CLCA1: variants seen among roughly 807,000 people sequenced by gnomAD.
The protein encoded by CLCA1 is chloride channel accessory 1, also known as calcium-activated chloride channel regulator 1.
A neutral mutation model predicts 85.6 loss-of-function variants in CLCA1; 59 were observed. The observed-to-expected ratio is 0.69, with a 90% confidence interval of 0.56 to 0.86. The LOEUF is 0.86. CLCA1 is among the 40% of genes least tolerant of loss of function. CLCA1 has a pLI of 0.00. For synonymous variants in CLCA1, 396 were observed against 398.3 expected (o/e 0.99, Z 0.07); for missense variants, 1,022 against 1,101.4 (o/e 0.93, Z 1.02).
chr1:86,490,909 A>AG (rs1224668382), intron 8 of CLCA1, among the ~76,000 whole-genome samples: 4 of 123,816 alleles, frequency 3.2e-5, no homozygotes, highest in Non-Finnish European at 5.6e-5. Flanking sequence ...TAAAAAAAAA[A>AG]AAAAAAAAAA....
intron 4 of CLCA1, among the ~76,000 whole-genome samples, chr1:86,478,642 G>T (rs1391595377): frequency 6.6e-6 from 1 of 152,186 alleles, no homozygotes; most frequent in African/African-American, 2.4e-5. Flanking sequence ...TCTTTCCTAA[G>T]CTTCCAGCCA....
At chr1:86,474,026 G>A in intron 3 of CLCA1, 150 bp downstream of exon 3, 1 of 505,594 alleles carries the variant, frequency 2.0e-6, no homozygotes, top group Non-Finnish European at 3.3e-6. Context: ...AATAGAACAT[G>A]CATTTCACTT....
rs556082795 is a variant in CLCA1, at chr1:86,486,157, C to T, written c.955-369C>T. 3.3e-5 allele frequency among the ~76,000 whole-genome samples: 5 copies of T among 152,270 alleles called. No homozygotes were observed. The South Asian group carries it at 1.0e-3, about 32-fold the overall frequency. Reference sequence around the variant, plus strand: ...AACCACCTCCATGTTCCTCCCACCTCCCACCAGGTCCCTCCCTCGACATGT... The same window carrying T: ...AACCACCTCCATGTTCCTCCCACCTTCCACCAGGTCCCTCCCTCGACATGT... On this transcript the variant is annotated intron_variant, in intron 6 of 13. Transcript: ENST00000394711.
chr1:86,481,058 GA>G (rs1483991501), intron 4 of CLCA1, among the ~76,000 whole-genome samples: 3 of 152,102 alleles, frequency 2.0e-5, no homozygotes, highest in Non-Finnish European at 4.4e-5. Context: ...ATTGGGAGGG[GA>G]AACTAAGTTC....
chr1:86,473,759 C>T lies in CLCA1; in HGVS notation c.334C>T (p.Pro112Ser), dbSNP rs138151981. The T allele has an allele frequency of 6.3e-7, 1 of 1,597,018 alleles. No individual in the cohort carries two copies. The highest frequency in any genetic ancestry group is 8.5e-7 in the Non-Finnish European group (1 of 1,171,702). ...ADVLVAESTP[P>S]GNDEPYTEQM... ...TGTTCTGGTTGCTGAGTCTACTCCT[C>T]CAGGTAATGATGAACCCTACACTGA... The change falls in exon 3 of 14, where the codon CCA becomes TCA. Residue 112 changes from proline to serine, a missense_variant. Physicochemically the swap from Pro to Ser is moderately conservative, Grantham distance 74. Transcript: ENST00000394711.
chr1:86,473,685 T>G lies in CLCA1; in HGVS notation c.304-44T>G, dbSNP rs763205104. On this transcript the variant is annotated intron_variant, in intron 2 of 13. Coordinates refer to ENST00000394711, the MANE Select transcript of CLCA1 (RefSeq NM_001285.4). Reference sequence around the variant, plus strand: ...TCCAGTACGAATATGGTTAATTCATTTGCTGAAACTTTGTGATGATAGAAA... The same window carrying G: ...TCCAGTACGAATATGGTTAATTCATGTGCTGAAACTTTGTGATGATAGAAA... 2.0e-5 allele frequency: 30 copies of G among 1,533,834 alleles called. No homozygotes were observed. In the Admixed American group the frequency reaches 5.9e-4, roughly 30 times the overall value.
At chr1:86,494,987 C>A (rs1458900900) in intron 11 of CLCA1, among the ~76,000 whole-genome samples, 1 of 149,804 alleles carries the variant, frequency 6.7e-6, no homozygotes, top group Non-Finnish European at 1.5e-5. Context: ...GCCCATTATT[C>A]TTGTCTTTAA....
rs539143060 is a variant in CLCA1, at chr1:86,484,723, G to T, written c.736-620G>T. 5.3e-5 allele frequency among the ~76,000 whole-genome samples: 8 copies of T among 152,256 alleles called. 1 individual carries two copies. In the South Asian group the frequency reaches 1.7e-3, roughly 32 times the overall value. Reference sequence around the variant, plus strand: ...TGAAGAAATTGAGATATAGTGAAGTGCACTGGTCTTGGGTACTTTTTAGGA... The same window carrying T: ...TGAAGAAATTGAGATATAGTGAAGTTCACTGGTCTTGGGTACTTTTTAGGA... On this transcript the variant is annotated intron_variant, in intron 5 of 13. Transcript: ENST00000394711.
chr1:86,490,699 T>C (rs1284384661), intron 8 of CLCA1, among the ~76,000 whole-genome samples: 1 of 152,132 alleles, frequency 6.6e-6, no homozygotes, highest in Non-Finnish European at 1.5e-5. Flanking sequence ...ATATCAGAGA[T>C]TCATGGCTGC....
chr1:86,484,035 C>T (rs764719842), intron 5 of CLCA1, among the ~76,000 whole-genome samples: 2 of 152,108 alleles, frequency 1.3e-5, no homozygotes, highest in Admixed American at 6.6e-5. Context: ...CATCAGATTA[C>T]GTGGGAACTC....
Position 86,500,179 on chromosome 1 carries a change from ATTC to A in CLCA1, c.*135_*137del. On this transcript the variant is annotated 3_prime_UTR_variant, in exon 14 of 14. Coordinates refer to ENST00000394711, the MANE Select transcript of CLCA1 (RefSeq NM_001285.4). The stretch of plus-strand genomic sequence containing the variant: ...TATATAGTACATTTATACTAAATGT[ATTC>A]CTGTAGGGGGCGATATACTAAATGT... 1 of 599,220 alleles carries A rather than the reference ATTC, an allele frequency of 1.7e-6. No homozygotes were observed. The highest frequency in any genetic ancestry group is 2.9e-6 in the Non-Finnish European group (1 of 340,024). The allele number at this position is 599,220 out of a possible 1,614,324, so 37.1% of individuals were successfully genotyped here. A position where few individuals can be genotyped will look rare whatever the true frequency, so the allele number is the denominator to read the frequency against.
At chr1:86,493,361 G>T in intron 9 of CLCA1, 23 bp from the exon 10 acceptor site, 1 of 1,582,382 alleles carries the variant, frequency 6.3e-7, no homozygotes, top group Non-Finnish European at 8.7e-7. Context: ...TCTCCAGAAA[G>T]TAAGAGCTGT....
In CLCA1 at chr1:86,498,708, C is replaced by T. The variant is rs1648366793; in HGVS notation, c.2250C>T (p.Leu750=). 1 of 1,614,020 alleles carries T rather than the reference C, an allele frequency of 6.2e-7. No homozygotes were observed. Among genetic ancestry groups the T allele is most frequent in the Non-Finnish European group, 8.5e-7 (1 of 1,180,038 alleles). Residue 750 remains leucine (L), a synonymous_variant, in exon 13 of 14, where the codon CTC becomes CTT. Coordinates refer to ENST00000394711, the MANE Select transcript of CLCA1 (RefSeq NM_001285.4). The part of the protein sequence containing the change: ...SDVPNAPIPD[L]FPPGQITDLK... ...TCCCAAATGCTCCCATACCTGATCT[C>T]TTCCCACCTGGCCAAATCACCGACC...
In CLCA1 at chr1:86,495,619, G is replaced by C. The variant is rs199729425; in HGVS notation, c.2057G>C (p.Arg686Pro). Reference protein sequence around the residue: ...RALGGVNAARRRVIPQQSGAL... With the variant: ...RALGGVNAARPRVIPQQSGAL... ...CTGGGAGGAGTTAACGCAGCCAGACGGAGAGTGATACCCCAGCAGAGTGGA... is the reference window on the plus strand; with the variant it reads ...CTGGGAGGAGTTAACGCAGCCAGACCGAGAGTGATACCCCAGCAGAGTGGA... The change falls in exon 12 of 14, where the codon CGG becomes CCG. Residue 686 changes from arginine (R) to proline (P), a missense_variant. Coordinates refer to ENST00000394711, the MANE Select transcript of CLCA1 (RefSeq NM_001285.4). 5.0e-6 allele frequency: 8 copies of C among 1,613,982 alleles called. No individual in the cohort carries two copies. The Admixed American group carries it at 1.3e-4, about 27-fold the overall frequency.
chr1:86,495,676 G>A lies in CLCA1; in HGVS notation c.2113+1G>A, dbSNP rs112031860. Reference sequence around the variant, plus strand: ...TACATACCTGGCTGGATTGAGAATGGTAAGTAATTTGTAATAACATACCTG... The same window carrying A: ...TACATACCTGGCTGGATTGAGAATGATAAGTAATTTGTAATAACATACCTG... On this transcript the variant is annotated splice_donor_variant, in intron 12 of 13. Coordinates refer to ENST00000394711, the MANE Select transcript of CLCA1 (RefSeq NM_001285.4). LOFTEE classifies it high-confidence loss of function. The A allele has an allele frequency of 6.2e-7, 1 of 1,603,102 alleles. No individual in the cohort carries two copies. Among genetic ancestry groups the A allele is most frequent in the Non-Finnish European group, 8.5e-7 (1 of 1,173,816 alleles).
At chr1:86,498,950 G>A in intron 13 of CLCA1, 139 bp downstream of exon 13, 2 of 922,708 alleles carry the variant, frequency 2.2e-6, no homozygotes, top group South Asian at 4.1e-5. Flanking sequence ...TTGAAATGAG[G>A]GATAAATGTA....
At chr1:86,470,987 C>A (rs919819787) in intron 1 of CLCA1, among the ~76,000 whole-genome samples, 36 of 152,128 alleles carry the variant, frequency 2.4e-4, no homozygotes, top group Non-Finnish European at 4.4e-5. Context: ...TGCATTCTTG[C>A]TAATATTAGC....
intron 4 of CLCA1, among the ~76,000 whole-genome samples, chr1:86,481,859 T>C (rs1385919556): frequency 1.3e-5 from 2 of 152,092 alleles, no homozygotes; most frequent in Non-Finnish European, 2.9e-5. Context: ...AAATCTTTTG[T>C]GGGAAATAAA....
chr1:86,478,977 G>T (rs952188007), intron 4 of CLCA1, among the ~76,000 whole-genome samples: 3 of 152,132 alleles, frequency 2.0e-5, no homozygotes, highest in Non-Finnish European at 4.4e-5. Context: ...AAACACTAGA[G>T]ACACTGCCAG....
Sources: gnomAD v4.1 joint callset for allele counts (sites outside exome capture counted in the v4.1 genomes callset) on GRCh38, gnomAD v4.1.1 for gene constraint, MANE v1.5 for transcripts, NCBI Gene and HGNC (gene_info 2026-07-23, HGNC 2026-07-21) for gene names.